Variants in LATS2 observed in about 807,000 individuals in gnomAD.
LATS2 encodes large tumor suppressor kinase 2.
Under a neutral mutation model 76.0 loss-of-function variants are expected in LATS2, and 24 were observed. That is an observed-to-expected ratio of 0.32 (90% confidence interval 0.23 to 0.44). The LOEUF (loss-of-function observed/expected upper bound fraction) is 0.44. Ranked by LOEUF, LATS2 falls within the 20% of genes least tolerant of loss-of-function variation. The pLI is 1.00. For synonymous variants in LATS2, 692 were observed against 635.4 expected, an observed-to-expected ratio of 1.09 and a Z score of -1.34; for missense variants, 1,286 against 1,481.2, an observed-to-expected ratio of 0.87 and a Z score of 2.16.
At chr13:21,016,256 G>A (rs1009865185) in intron 2 of LATS2, among the ~76,000 whole-genome samples, 1 of 151,850 alleles carries the variant, frequency 6.6e-6, no homozygotes, top group African/African-American at 2.4e-5. Context: ...CAAAGTGCTG[G>A]GATTACAGGC....
Position 21,021,332 on chromosome 13 carries a change from G to A in LATS2, c.342+24353C>T, listed in dbSNP as rs117330879. 3.8e-4 allele frequency among the ~76,000 whole-genome samples: 57 copies of A among 151,824 alleles called. No individual in the cohort carries two copies. In the East Asian group the frequency reaches 0.011, roughly 28 times the overall value. ...TACTAAAAATAGGAAAATTAGACGGGTGTGGTGGTGCGTGCCTGTAATCCC... is the reference window on the plus strand; with the variant it reads ...TACTAAAAATAGGAAAATTAGACGGATGTGGTGGTGCGTGCCTGTAATCCC... On this transcript the variant is annotated intron_variant, in intron 2 of 7. Coordinates refer to ENST00000382592, the MANE Select transcript of LATS2 (RefSeq NM_014572.3).
chr13:20,982,342 G>T (rs573245172), intron 5 of LATS2, among the ~76,000 whole-genome samples: 1 of 152,272 alleles, frequency 6.6e-6, no homozygotes, highest in Admixed American at 6.5e-5. Flanking sequence ...ACAGAGTTTC[G>T]CTCTTGTTGC....
At position 21,055,064 on chromosome 13, in the gene LATS2, A is replaced by G. The variant is rs575451374; in HGVS notation, c.-205+6282T>C. On this transcript the variant is annotated intron_variant, in intron 1 of 7. Transcript: ENST00000382592. ...GGATGAAACGTTCCTTCAGTTTCAT[A>G]GAGAATGAAAGCATTTTTTCAGCTT... Among the ~76,000 whole-genome samples the G allele has an allele frequency of 2.2e-3, 329 of 152,348 alleles. 5 individuals are homozygous for G. Among genetic ancestry groups the G allele is most frequent in the African/African-American group, 7.6e-3 (317 of 41,576 alleles).
At position 20,988,196 on chromosome 13, in the gene LATS2, C is replaced by G. The variant is rs368467707; in HGVS notation, c.1584G>C (p.Ser528=). 3.1e-6 allele frequency: 5 copies of G among 1,612,312 alleles called. No individual in the cohort carries two copies. Among genetic ancestry groups the G allele is most frequent in the Non-Finnish European group, 2.5e-6 (3 of 1,179,746 alleles). The change falls in exon 4 of 8, where the codon TCG becomes TCC. Residue 528 remains serine (S), a synonymous_variant. Transcript: ENST00000382592. ...YPKHLLLRSK[S]EQYDLDSLCA... The stretch of plus-strand genomic sequence containing the variant: ...ACAGGCTGTCCAGGTCGTACTGCTC[C>G]GACTTGCTGCGCAGCAGCAGGTGCT...
At chr13:21,056,733 T>C (rs1192128300) in intron 1 of LATS2, among the ~76,000 whole-genome samples, 1 of 152,166 alleles carries the variant, frequency 6.6e-6, no homozygotes, top group Non-Finnish European at 1.5e-5. Flanking sequence ...ATAAATACTG[T>C]GACTGTCCAA....
In LATS2 at chr13:21,046,082, T is replaced by A; in HGVS notation, c.-56A>T. On this transcript the variant is annotated 5_prime_UTR_variant, in exon 2 of 8. Transcript: ENST00000382592. The stretch of plus-strand genomic sequence containing the variant: ...CAATCTTCTTAAAGTGTTTTATTAT[T>A]TAAAAAAAAAAACTGTCAATAGTAT... The A allele has an allele frequency of 1.6e-6, 2 of 1,235,192 alleles. No homozygotes were observed. Among genetic ancestry groups the A allele is most frequent in the Non-Finnish European group, 2.3e-6 (2 of 888,166 alleles). 76.5% of individuals were successfully genotyped at this position (1,235,192 alleles called of 1,614,324 possible). A position where few individuals can be genotyped will look rare whatever the true frequency, so the allele number is the denominator to read the frequency against.
chr13:21,016,854 G>A (rs951571175), intron 2 of LATS2, among the ~76,000 whole-genome samples: 2 of 152,102 alleles, frequency 1.3e-5, no homozygotes, highest in South Asian at 2.1e-4. Context: ...TCTTTATCAC[G>A]GCAGAGTCCT....
intron 2 of LATS2, among the ~76,000 whole-genome samples, chr13:21,015,736 G>A (rs563789247): frequency 7.2e-5 from 11 of 152,254 alleles, no homozygotes; most frequent in South Asian, 6.2e-4. Flanking sequence ...GTCTCACTCT[G>A]TCACCCAGGC....
intron 2 of LATS2, among the ~76,000 whole-genome samples, chr13:20,993,321 C>G (rs1870591193): frequency 6.6e-6 from 1 of 152,238 alleles, no homozygotes; most frequent in Non-Finnish European, 1.5e-5. Context: ...GCCCCCTTAA[C>G]ACAGTGCCTA....
chr13:21,024,103 A>G (rs1872203266), intron 2 of LATS2, among the ~76,000 whole-genome samples: 2 of 151,304 alleles, frequency 1.3e-5, no homozygotes, highest in South Asian at 4.2e-4. Context: ...CAAAAAAAAA[A>G]AAAAAAAAAA....
Position 20,983,511 on chromosome 13 carries a change from T to TA in LATS2, c.2194dup (p.Tyr732LeufsTer34), listed in dbSNP as rs768946991. Reference sequence around the variant, plus strand: ...GCTGTCTTTGTCTTGGAAGGAGTAGTAGAGTTTGACCACCCACTCATTGTC... The same window carrying TA: ...GCTGTCTTTGTCTTGGAAGGAGTAGTAAGAGTTTGACCACCCACTCATTGTC... On this transcript the variant is annotated frameshift_variant, in exon 5 of 8. Coordinates refer to ENST00000382592, the MANE Select transcript of LATS2 (RefSeq NM_014572.3). LOFTEE classifies it high-confidence loss of function. 6.2e-7 allele frequency: 1 copy of TA among 1,614,094 alleles called. No homozygotes were observed. The highest frequency in any genetic ancestry group is 1.1e-5 in the South Asian group (1 of 91,080).
intron 2 of LATS2, among the ~76,000 whole-genome samples, chr13:21,010,816 CTG>C (rs1243230642): frequency 6.6e-6 from 1 of 152,198 alleles, no homozygotes; most frequent in African/African-American, 2.4e-5. Flanking sequence ...ATCATAAGGT[CTG>C]ACTTATGTTG....
At chr13:21,001,766 T>A (rs1212480) in intron 2 of LATS2, among the ~76,000 whole-genome samples, 38,714 of 151,716 alleles carry the variant, frequency 0.26, 5,327 homozygotes, top group African/African-American at 0.35. Flanking sequence ...GTAGTCCCAG[T>A]TACTCCAGAG....
At chr13:21,042,776 C>A (rs540843742) in intron 2 of LATS2, among the ~76,000 whole-genome samples, 3 of 149,242 alleles carry the variant, frequency 2.0e-5, no homozygotes, top group African/African-American at 7.4e-5. Flanking sequence ...ATCACAAGGT[C>A]AGGAGATTGA....
Position 21,043,009 on chromosome 13 carries a change from CAGT to C in LATS2, c.342+2673_342+2675del, listed in dbSNP as rs376477507. Among the ~76,000 whole-genome samples the C allele has an allele frequency of 1.8e-3, 267 of 146,350 alleles. 1 individual carries two copies. Among genetic ancestry groups the C allele is most frequent in the African/African-American group, 6.6e-3 (261 of 39,746 alleles). On this transcript the variant is annotated intron_variant, in intron 2 of 7. Transcript: ENST00000382592. ...AAAAAAAAAACCAAAAAACAAAAAACAGTAGGAGTGAAAGGGGTAAAGCTGCAA... is the reference window on the plus strand; with the variant it reads ...AAAAAAAAAACCAAAAAACAAAAAACAGGAGTGAAAGGGGTAAAGCTGCAA...
Position 21,046,351 on chromosome 13 carries a change from C to T in LATS2, c.-204-121G>A, listed in dbSNP as rs1054525931. ...TACCGCTTGGAAAGAAAAGAAAGAA[C>T]GCATCACCTCTCAGAAATGACAAAA... is the stretch of plus-strand genomic sequence containing the variant. On this transcript the variant is annotated intron_variant, in intron 1 of 7. Coordinates refer to ENST00000382592, the MANE Select transcript of LATS2 (RefSeq NM_014572.3). The T allele has an allele frequency of 8.4e-5, 24 of 284,790 alleles. No individual in the cohort carries two copies. In the Admixed American group the frequency reaches 1.0e-3, roughly 12 times the overall value. The allele number at this position is 284,790 out of a possible 1,614,324, so 17.6% of individuals were successfully genotyped here. A position where few individuals can be genotyped will look rare whatever the true frequency, so the allele number is the denominator to read the frequency against.
Position 20,975,221 on chromosome 13 carries a change from G to T in LATS2, c.2916C>A (p.Phe972Leu). Residue 972 changes from phenylalanine (F) to leucine (L), a missense_variant, in exon 8 of 8, where the codon TTC becomes TTA. By Grantham distance (22) the Phe-to-Leu change is conservative (BLOSUM62 0). This residue lies in a region of LATS2 where 210 missense variants were observed against 234.9 expected (regional missense o/e 0.89). Transcript: ENST00000382592. ...NGADDLKAHP[F>L]FSAIDFSSDI... ...CACTGGAGAAGTCAATGGCGCTGAA[G>T]AAGGGGTGGGCCTTCAGGTCATCGG... 6.2e-7 allele frequency: 1 copy of T among 1,614,250 alleles called. No homozygotes were observed. The highest frequency in any genetic ancestry group is 8.5e-7 in the Non-Finnish European group (1 of 1,180,036).
chr13:21,022,774 T>C (rs1215611821), intron 2 of LATS2, among the ~76,000 whole-genome samples: 1 of 152,154 alleles, frequency 6.6e-6, no homozygotes, highest in Non-Finnish European at 1.5e-5. Context: ...TTTATAATAC[T>C]GGAGTGGGTA....
intron 1 of LATS2, among the ~76,000 whole-genome samples, chr13:21,047,072 T>C (rs536814604): frequency 1.3e-5 from 2 of 152,256 alleles, no homozygotes; most frequent in Non-Finnish European, 2.9e-5. Context: ...CCTCGTTACA[T>C]GGAACGCGAT....
Sources: gnomAD v4.1 joint callset for allele counts (sites outside exome capture counted in the v4.1 genomes callset) on GRCh38, gnomAD v4.1.1 for gene constraint, gnomAD v4.1.1 regional missense constraint, MANE v1.5 for transcripts, NCBI Gene and HGNC (gene_info 2026-07-23, HGNC 2026-07-21) for gene names.